PDE4D: variants seen among roughly 807,000 people sequenced by gnomAD.
PDE4D encodes phosphodiesterase 4D, also known as 3',5'-cyclic-AMP phosphodiesterase 4D.
A neutral mutation model predicts 87.4 loss-of-function variants in PDE4D; 24 were observed. The ratio of observed to expected loss-of-function variants is 0.27; its 90% confidence interval spans 0.20 to 0.39. The LOEUF is 0.39. Among genes scored for constraint, PDE4D ranks in the 10% least tolerant of loss-of-function variants. PDE4D has a pLI of 1.00. For missense variants in PDE4D, 714 were observed against 1,041.0 expected (o/e 0.69, Z 4.32); for synonymous variants, 384 against 383.2 (o/e 1.00, Z -0.02).
rs1439301442 is a variant in PDE4D at position 59,893,325 on chromosome 5, C to A, written c.298G>T (p.Ala100Ser). Residue 100 changes from alanine (A) to serine (S), a missense_variant, in exon 1 of 15, where the codon GCC (alanine) becomes TCC (serine). Coordinates refer to ENST00000340635, the MANE Select transcript of PDE4D (RefSeq NM_001104631.2). ...AARGRYASSGATGRVRHRGYS... is the reference protein window; with the variant it reads ...AARGRYASSGSTGRVRHRGYS... ...CCGCGATGCCGGACGCGGCCGGTGGCCCCGCTCGAGGCGTAGCGGCCGCGG... is the reference window on the plus strand; with the variant it reads ...CCGCGATGCCGGACGCGGCCGGTGGACCCGCTCGAGGCGTAGCGGCCGCGG... 8 of 1,515,192 alleles carry A rather than the reference C, an allele frequency of 5.3e-6. No homozygotes were observed. Among genetic ancestry groups the A allele is most frequent in the Admixed American group, 2.1e-5 (1 of 47,644 alleles). 93.9% of individuals were successfully genotyped at this position (1,515,192 alleles called of 1,614,324 possible).
At chr5:59,612,237 TTTTG>T (rs60814417) in intron 1 of PDE4D, among the ~76,000 whole-genome samples, 5 of 150,512 alleles carry the variant, frequency 3.3e-5, no homozygotes, top group Middle Eastern at 6.8e-3. Flanking sequence ...ACACTGTTTT[TTTTG>T]TTTGTTTGTT....
At chr5:60,312,615 A>G (rs1437669312) in intron 1 of PDE4D, among the ~76,000 whole-genome samples, 1 of 152,138 alleles carries the variant, frequency 6.6e-6, no homozygotes, top group Non-Finnish European at 1.5e-5. Flanking sequence ...TCTCATGAGA[A>G]CTCACTATCA....
At chr5:59,617,058 G>A (rs1176973719) in intron 1 of PDE4D, among the ~76,000 whole-genome samples, 3 of 151,032 alleles carry the variant, frequency 2.0e-5, no homozygotes, top group African/African-American at 7.3e-5. Context: ...TGCTGAGGGT[G>A]TATCTTCTCT....
At chr5:60,045,543 G>A (rs1769118355) in intron 2 of PDE4D, among the ~76,000 whole-genome samples, 1 of 152,124 alleles carries the variant, frequency 6.6e-6, no homozygotes, top group Non-Finnish European at 1.5e-5. Context: ...TTTTGTATAA[G>A]GTGTAAGGAA....
At chr5:59,499,171 A>G (rs145627038) in intron 1 of PDE4D, among the ~76,000 whole-genome samples, 2 of 152,210 alleles carry the variant, frequency 1.3e-5, no homozygotes, top group Non-Finnish European at 2.9e-5. Flanking sequence ...GAATGACTCT[A>G]AAATAAACAA....
At chr5:60,193,612 C>T (rs1785377581) in intron 1 of PDE4D, among the ~76,000 whole-genome samples, 2 of 124,502 alleles carry the variant, frequency 1.6e-5, no homozygotes, top group African/African-American at 6.3e-5. Context: ...GCGGAGCCTG[C>T]AGTGAGCCGA....
At chr5:59,588,833 C>A (rs188415329) in intron 1 of PDE4D, among the ~76,000 whole-genome samples, 1 of 152,252 alleles carries the variant, frequency 6.6e-6, no homozygotes, top group East Asian at 1.9e-4. Context: ...CCTCATGACC[C>A]CTTTTTGCTA....
intron 5 of PDE4D, among the ~76,000 whole-genome samples, chr5:59,095,767 C>T (rs1213582886): frequency 6.6e-6 from 1 of 152,080 alleles, no homozygotes. Flanking sequence ...TGATAACTGG[C>T]TAAGACTGGA....
At chr5:60,478,232 A>G (rs1280378836) in intron 1 of PDE4D, among the ~76,000 whole-genome samples, 4 of 152,240 alleles carry the variant, frequency 2.6e-5, no homozygotes, top group Non-Finnish European at 5.9e-5. Context: ...AACATTTGAA[A>G]ACAAGTTTAT....
rs2572069 is a variant in PDE4D, at chr5:60,006,692, T to C, written c.43-17975A>G. Among the ~76,000 whole-genome samples, 806 of 152,126 alleles carry C rather than the reference T, an allele frequency of 5.3e-3. 27 individuals are homozygous for C. The East Asian group carries it at 0.094, about 18-fold the overall frequency. ...TGGCACTGCTCCATAATAGAAATTT[T>C]TCCCATTGTTCTGTGCTGTAAACAT... is the stretch of plus-strand genomic sequence containing the variant. On this transcript the variant is annotated intron_variant, in intron 2 of 16. Coordinates refer to the PDE4D transcript ENST00000502484.
At chr5:59,573,995 C>G (rs1249776478) in intron 1 of PDE4D, among the ~76,000 whole-genome samples, 3 of 33,084 alleles carry the variant, frequency 9.1e-5, no homozygotes, top group African/African-American at 4.7e-4. Context: ...GAGACTCTGT[C>G]TCAAAAAAAA....
intron 1 of PDE4D, among the ~76,000 whole-genome samples, chr5:59,224,906 A>G (rs961059000): frequency 3.3e-5 from 5 of 152,192 alleles, no homozygotes; most frequent in Non-Finnish European, 7.3e-5. Flanking sequence ...GAATTGTGAG[A>G]ACATTTCTGT....
chr5:59,216,236 ACT>A (rs1751234021), intron 1 of PDE4D, among the ~76,000 whole-genome samples: 3 of 152,324 alleles, frequency 2.0e-5, no homozygotes, highest in Admixed American at 1.3e-4. Context: ...AAAGGGAAAC[ACT>A]CTGCAAAACA....
chr5:59,385,369 T>C (rs910097363), intron 1 of PDE4D, among the ~76,000 whole-genome samples: 6 of 152,210 alleles, frequency 3.9e-5, no homozygotes, highest in Admixed American at 6.5e-5. Context: ...TATTCTGTCT[T>C]TACACTAGTT....
Position 59,396,050 on chromosome 5 carries a change from C to T in PDE4D, c.456-180082G>A, listed in dbSNP as rs1325846286. ...TTAGAGAAAAAAGAATAAAAAGAAA[C>T]GAGCAAAGCCTCCAAGAAATATGGG... is the stretch of plus-strand genomic sequence containing the variant. On this transcript the variant is annotated intron_variant, in intron 1 of 14. Transcript: ENST00000340635. Among the ~76,000 whole-genome samples, 19 of 119,828 alleles carry T rather than the reference C, an allele frequency of 1.6e-4. 5 individuals are homozygous for T. The highest frequency in any genetic ancestry group is 5.6e-4 in the South Asian group (2 of 3,570). The allele number at this position is 119,828 out of a possible 152,430, so 78.6% of individuals were successfully genotyped here.
At chr5:60,357,453 A>G (rs1444040018) in intron 1 of PDE4D, among the ~76,000 whole-genome samples, 1 of 152,158 alleles carries the variant, frequency 6.6e-6, no homozygotes, top group Non-Finnish European at 1.5e-5. Context: ...GCCTTCTTTC[A>G]ATTCATTTAT....
intron 1 of PDE4D, among the ~76,000 whole-genome samples, chr5:60,475,273 A>C (rs1748221672): frequency 6.6e-6 from 1 of 152,110 alleles, no homozygotes; most frequent in Non-Finnish European, 1.5e-5. Flanking sequence ...AAGGGCAATT[A>C]AGTCACTTGG....
chr5:60,382,433 G>T (rs1356447207), intron 1 of PDE4D, among the ~76,000 whole-genome samples: 1 of 151,998 alleles, frequency 6.6e-6, no homozygotes, highest in East Asian at 1.9e-4. Context: ...TCTTTAAATG[G>T]CAAACAGAGC....
chr5:59,769,168 A>G (rs1316891275), intron 1 of PDE4D, among the ~76,000 whole-genome samples: 2 of 152,162 alleles, frequency 1.3e-5, no homozygotes, highest in Non-Finnish European at 2.9e-5. Context: ...TGAACCACAT[A>G]AGACAAATCC....
Sources: allele counts gnomAD v4.1 joint callset (sites outside exome capture counted in the v4.1 genomes callset), GRCh38; gene constraint gnomAD v4.1.1; transcripts MANE v1.5; gene names NCBI Gene and HGNC (gene_info 2026-07-23, HGNC 2026-07-21).